The following DENND4A variants were observed in gnomAD, a reference collection of about 807,000 sequenced individuals.
The protein encoded by DENND4A is C-myc promoter-binding protein.
Under a neutral mutation model 199.3 loss-of-function variants are expected in DENND4A, and 70 were observed. That is an observed-to-expected ratio of 0.35 (90% CI 0.29 to 0.43). The LOEUF (loss-of-function observed/expected upper bound fraction) is 0.43, where lower values mean the gene tolerates loss of function less well. Among genes scored for constraint, DENND4A ranks in the 20% least tolerant of loss-of-function variants. DENND4A has a pLI of 1.00. For missense variants in DENND4A, 1,723 were observed against 2,255.8 expected, an observed-to-expected ratio of 0.76 and a Z score of 4.78; for synonymous variants, 686 against 766.9, an observed-to-expected ratio of 0.89 and a Z score of 1.74.
intron 29 of DENND4A, among the ~76,000 whole-genome samples, chr15:65,666,765 C>T (rs1487602402): frequency 3.9e-5 from 5 of 127,142 alleles, no homozygotes; most frequent in Non-Finnish European, 6.3e-5. Context: ...GGTGACAGGG[C>T]GAGACCTTGT....
intron 23 of DENND4A, among the ~76,000 whole-genome samples, chr15:65,682,767 T>C (rs2076624141): frequency 6.6e-6 from 1 of 152,226 alleles, no homozygotes; most frequent in Admixed American, 6.5e-5. Context: ...CGTCCTTTCA[T>C]GTGAACACTT....
chr15:65,743,950 G>C (rs1213336947), intron 4 of DENND4A, among the ~76,000 whole-genome samples: 1 of 99,750 alleles, frequency 1.0e-5, no homozygotes, highest in Non-Finnish European at 2.2e-5. Context: ...GCCACTGGAG[G>C]GTTTTGAGCA....
intron 28 of DENND4A, 104 bp downstream of exon 28, chr15:65,667,821 T>C: frequency 6.7e-7 from 1 of 1,488,746 alleles, no homozygotes; most frequent in Non-Finnish European, 9.1e-7. Context: ...GATAAGAGAC[T>C]CTTCTTGGCA....
At chr15:65,786,971 A>G (rs191484280) in intron 1 of DENND4A, among the ~76,000 whole-genome samples, 23 of 152,196 alleles carry the variant, frequency 1.5e-4, no homozygotes, top group African/African-American at 5.5e-4. Flanking sequence ...ATATTCAAGA[A>G]AAGTATAAAG....
At chr15:65,675,786 G>A (rs1384934750) in intron 24 of DENND4A, among the ~76,000 whole-genome samples, 1 of 152,124 alleles carries the variant, frequency 6.6e-6, no homozygotes, top group Admixed American at 6.5e-5. Flanking sequence ...TATACTGGCA[G>A]TGGGAATGCA....
At chr15:65,771,748 T>C (rs746707340) in intron 1 of DENND4A, 285 of 1,612,304 alleles carry the variant, frequency 1.8e-4, no homozygotes, top group East Asian at 2.7e-4. Context: ...AAAACCTCTA[T>C]GGAAATTAAA....
intron 23 of DENND4A, among the ~76,000 whole-genome samples, chr15:65,682,353 G>A (rs181831830): frequency 1.1e-4 from 17 of 152,294 alleles, no homozygotes; most frequent in Admixed American, 4.6e-4. Flanking sequence ...GCTTCATCCT[G>A]CACTTTTATG....
chr15:65,705,956 A>G, intron 15 of DENND4A, 135 bp downstream of exon 15: 1 of 1,314,470 alleles, frequency 7.6e-7, no homozygotes. Context: ...GATGTGGGAT[A>G]AGCTTGCTTA....
rs1383130142 is a variant in DENND4A at position 65,660,864 on chromosome 15, T to C, written c.*987A>G. ...CCCAGTAAGTCATATTTCAGATAAA[T>C]ATTCTATAGTATAATTTGCATCATA... On this transcript the variant is annotated 3_prime_UTR_variant, in exon 33 of 33. Coordinates refer to ENST00000443035, the MANE Select transcript of DENND4A (RefSeq NM_001320835.1). 1.3e-5 allele frequency: 2 copies of C among 152,172 alleles called. No homozygotes were observed. Among genetic ancestry groups the C allele is most frequent in the African/African-American group, 2.4e-5 (1 of 41,440 alleles). The allele number at this position is 152,172 out of a possible 1,614,324, so 9.4% of individuals were successfully genotyped here. A position where few individuals can be genotyped will look rare whatever the true frequency, so the allele number is the denominator to read the frequency against.
At chr15:65,752,787 T>C (rs952493348) in intron 3 of DENND4A, among the ~76,000 whole-genome samples, 159 bp from the exon 4 acceptor site, 2 of 152,190 alleles carry the variant, frequency 1.3e-5, no homozygotes, top group African/African-American at 4.8e-5. Context: ...AATTAAAGAA[T>C]AACTCTTTTC....
intron 23 of DENND4A, among the ~76,000 whole-genome samples, chr15:65,689,082 C>T (rs1415740484): frequency 6.6e-6 from 1 of 152,162 alleles, no homozygotes; most frequent in East Asian, 1.9e-4. Context: ...TTCAGAAGAC[C>T]ACTGCTCCTT....
intron 13 of DENND4A, among the ~76,000 whole-genome samples, chr15:65,717,524 C>T (rs2075444048): frequency 6.6e-6 from 1 of 152,138 alleles, no homozygotes; most frequent in Admixed American, 6.6e-5. Flanking sequence ...ACACATGTGA[C>T]ACAAAAGTGT....
At chr15:65,706,256 A>C (rs372919730) in intron 14 of DENND4A, 32 bp from the exon 15 acceptor site, 2 of 1,455,208 alleles carry the variant, frequency 1.4e-6, no homozygotes, top group Non-Finnish European at 1.8e-6. Flanking sequence ...ATATTAAAAA[A>C]GCCACATTGG....
intron 6 of DENND4A, among the ~76,000 whole-genome samples, chr15:65,738,316 G>A (rs2076167794): frequency 6.6e-6 from 1 of 151,920 alleles, no homozygotes; most frequent in African/African-American, 2.4e-5. Context: ...TGAATTTCTC[G>A]GGACATCAAT....
At chr15:65,663,909 C>A (rs2075956709) in intron 32 of DENND4A, among the ~76,000 whole-genome samples, 1 of 152,066 alleles carries the variant, frequency 6.6e-6, no homozygotes, top group Non-Finnish European at 1.5e-5. Context: ...ACCTTGGCCT[C>A]CCAAAGTGCT....
intron 7 of DENND4A, among the ~76,000 whole-genome samples, chr15:65,736,618 T>C (rs2076127217): frequency 6.6e-6 from 1 of 152,048 alleles, no homozygotes; most frequent in African/African-American, 2.4e-5. Context: ...AGTTTTAGAT[T>C]GCAAATAACC....
chr15:65,771,828 T>C, intron 1 of DENND4A: 1 of 1,613,294 alleles, frequency 6.2e-7, no homozygotes, highest in Non-Finnish European at 8.5e-7. Context: ...TTCGCTTTTC[T>C]GGATTACTTA....
intron 9 of DENND4A, among the ~76,000 whole-genome samples, chr15:65,730,504 C>T (rs1479405399): frequency 6.6e-6 from 1 of 151,970 alleles, no homozygotes; most frequent in Non-Finnish European, 1.5e-5. Flanking sequence ...TAAACAGATA[C>T]ATAAAACGTA....
At chr15:65,681,571 A>ATTTT (rs1319956178) in intron 23 of DENND4A, among the ~76,000 whole-genome samples, 1 of 142,350 alleles carries the variant, frequency 7.0e-6, no homozygotes, top group Non-Finnish European at 1.5e-5. Context: ...TTGACATTTC[A>ATTTT]TTTTTTTGTT....
Sources: gnomAD v4.1 joint callset for allele counts (sites outside exome capture counted in the v4.1 genomes callset) on GRCh38, gnomAD v4.1.1 for gene constraint, MANE v1.5 for transcripts, NCBI Gene and HGNC (gene_info 2026-07-23, HGNC 2026-07-21) for gene names.